Variants in PTAFR observed in about 807,000 individuals in gnomAD.
The protein encoded by PTAFR is platelet activating factor receptor.
A neutral mutation model predicts 14.7 loss-of-function variants in PTAFR; 8 were observed. That is an observed-to-expected ratio of 0.54 (90% confidence interval 0.32 to 0.98). The LOEUF (loss-of-function observed/expected upper bound fraction) is 0.98. Among genes scored for constraint, PTAFR ranks in the 50% least tolerant of loss-of-function variants. The probability of loss-of-function intolerance (pLI) is 0.04; values close to 1 mark genes in which losing one functional copy is unlikely to be tolerated. For missense variants in PTAFR, 337 were observed against 451.2 expected, an observed-to-expected ratio of 0.75 and a Z score of 2.29; for synonymous variants, 156 against 176.5, an observed-to-expected ratio of 0.88 and a Z score of 0.92.
intron 1 of PTAFR, among the ~76,000 whole-genome samples, chr1:28,187,170 G>T (rs1037656120): frequency 2.0e-5 from 3 of 152,036 alleles, no homozygotes; most frequent in Non-Finnish European, 4.4e-5. Flanking sequence ...ACTATCCTCC[G>T]TTTACTGATG....
rs1222613158 is a variant in PTAFR at position 28,176,651 on chromosome 1, C to A, written c.-98G>T. 1 of 152,610 alleles carries A rather than the reference C, an allele frequency of 6.6e-6. No individual in the cohort carries two copies. Among genetic ancestry groups the A allele is most frequent in the Non-Finnish European group, 1.5e-5 (1 of 68,136 alleles). The allele number at this position is 152,610 out of a possible 1,614,324, so 9.5% of individuals were successfully genotyped here. A position where few individuals can be genotyped will look rare whatever the true frequency, so the allele number is the denominator to read the frequency against. On this transcript the variant is annotated 5_prime_UTR_variant, in exon 1 of 2. Transcript: ENST00000373857. ...CGTGTGTCTCTGTCTGGGTCCTGGC[C>A]CCAGCCTCAGCCTCTATGCTGTCTG...
At chr1:28,176,027 G>A (rs1191130010) in intron 1 of PTAFR, among the ~76,000 whole-genome samples, 1 of 152,116 alleles carries the variant, frequency 6.6e-6, no homozygotes, top group African/African-American at 2.4e-5. Flanking sequence ...TCTGGGGTCA[G>A]CACTGCCCCA....
chr1:28,183,334 AAG>A (rs1646577859), intron 1 of PTAFR, among the ~76,000 whole-genome samples: 1 of 152,234 alleles, frequency 6.6e-6, no homozygotes. Flanking sequence ...GAGTGCAAAA[AAG>A]AAATATTTAT....
chr1:28,173,128 A>AT (rs34374765), intron 1 of PTAFR, among the ~76,000 whole-genome samples: 8 of 148,052 alleles, frequency 5.4e-5, no homozygotes, highest in African/African-American at 2.0e-4. Context: ...AAAAAAAAAA[A>AT]GTTTTTTAAA....
upstream of PTAFR, among the ~76,000 whole-genome samples, chr1:28,178,247 C>CT (rs962067655): frequency 7.0e-4 from 107 of 152,120 alleles, 2 homozygotes; most frequent in African/African-American, 2.2e-3. Context: ...GGACAAAACA[C>CT]TTTTTTTATT....
At chr1:28,185,962 T>C (rs1216902485) in intron 1 of PTAFR, among the ~76,000 whole-genome samples, 1 of 152,176 alleles carries the variant, frequency 6.6e-6, no homozygotes, top group Non-Finnish European at 1.5e-5. Flanking sequence ...TTTTTTGTTT[T>C]TTCTTCTTTT....
At chr1:28,191,154 C>T (rs2149010077) in intron 1 of PTAFR, among the ~76,000 whole-genome samples, 1 of 152,350 alleles carries the variant, frequency 6.6e-6, no homozygotes. Flanking sequence ...GTCACCGTGG[C>T]ATGCACTGTA....
intron 1 of PTAFR, among the ~76,000 whole-genome samples, chr1:28,168,256 C>G (rs1646414008): frequency 6.6e-6 from 1 of 151,898 alleles, no homozygotes; most frequent in Admixed American, 6.6e-5. Context: ...CAGGCGTGAG[C>G]CACCGCGCCC....
chr1:28,164,660 C>A (rs538444588), intron 1 of PTAFR, among the ~76,000 whole-genome samples: 3 of 152,174 alleles, frequency 2.0e-5, no homozygotes, highest in African/African-American at 7.2e-5. Flanking sequence ...AGTCACACAG[C>A]GGGGAAGTGG....
At chr1:28,162,638 C>G (rs1646336666) in intron 1 of PTAFR, among the ~76,000 whole-genome samples, 1 of 151,806 alleles carries the variant, frequency 6.6e-6, no homozygotes, top group South Asian at 2.1e-4. Flanking sequence ...CCAGCCTGAC[C>G]AACATAATGA....
chr1:28,159,136 C>G (rs1471825729), intron 1 of PTAFR, among the ~76,000 whole-genome samples: 1 of 152,058 alleles, frequency 6.6e-6, no homozygotes, highest in Non-Finnish European at 1.5e-5. Context: ...TGAGGAGGAA[C>G]AGCATGAGGG....
chr1:28,169,978 C>G (rs556459551), intron 1 of PTAFR, among the ~76,000 whole-genome samples: 40 of 146,504 alleles, frequency 2.7e-4, no homozygotes, highest in African/African-American at 1.0e-3. Flanking sequence ...GGAGTCTGGG[C>G]GACAGAGCGA....
rs774644727 is a variant in PTAFR at position 28,150,340 on chromosome 1, G to A, written c.682C>T (p.Arg228Cys). The A allele has an allele frequency of 1.2e-6, 2 of 1,614,062 alleles. No individual in the cohort carries two copies. Among genetic ancestry groups the A allele is most frequent in the South Asian group, 2.2e-5 (2 of 91,072 alleles). Residue 228 changes from arginine to cysteine, a missense_variant, in exon 2 of 2, where the codon CGC becomes TGC. By Grantham distance (180) the Arg-to-Cys change is radical (BLOSUM62 -3). Transcript: ENST00000373857. The surrounding 1 kb of genome is among the most constrained non-coding windows in gnomAD (Gnocchi z 6.3). Reference protein sequence around the residue: ...VQQQRNAEVKRRALWMVCTVL... With the variant: ...VQQQRNAEVKCRALWMVCTVL... ...GTGCACACCATCCACAGCGCCCGGCGCTTGACTTCAGCGTTGCGCTGCTGC... is the reference window on the plus strand; with the variant it reads ...GTGCACACCATCCACAGCGCCCGGCACTTGACTTCAGCGTTGCGCTGCTGC...
chr1:28,159,703 A>G (rs1646302077), intron 1 of PTAFR, among the ~76,000 whole-genome samples: 1 of 151,854 alleles, frequency 6.6e-6, no homozygotes, highest in Non-Finnish European at 1.5e-5. Context: ...CCAGACGCCT[A>G]TAATCTCAAC....
In PTAFR at chr1:28,150,726, A is replaced by G. The variant is rs759410183; in HGVS notation, c.296T>C (p.Ile99Thr). ...GAAGGCCACAGAGCAGTAGGTGTTG[A>G]TGAAGAAAAGGCAGCCAGCCACGTT... ...LCNVAGCLFFINTYCSVAFLG... is the reference protein window; with the variant it reads ...LCNVAGCLFFTNTYCSVAFLG... Residue 99 changes from isoleucine to threonine, a missense_variant, in exon 2 of 2, where the codon ATC (isoleucine) becomes ACC (threonine). By Grantham distance (89) the Ile-to-Thr change is moderately conservative (BLOSUM62 -1). Transcript: ENST00000373857. This position sits in a 1 kb window ranked among gnomAD's most constrained non-coding sequence, Gnocchi z 6.3. 6.2e-7 allele frequency: 1 copy of G among 1,614,162 alleles called. No individual in the cohort carries two copies. The highest frequency in any genetic ancestry group is 1.1e-5 in the South Asian group (1 of 91,078).
At chr1:28,166,027 A>C (rs1314577665) in intron 1 of PTAFR, among the ~76,000 whole-genome samples, 1 of 152,238 alleles carries the variant, frequency 6.6e-6, no homozygotes, top group Non-Finnish European at 1.5e-5. Flanking sequence ...AAAGAAGAAC[A>C]AAACTGAAAG....
chr1:28,175,645 A>G (rs1646504889), intron 1 of PTAFR, among the ~76,000 whole-genome samples: 1 of 151,904 alleles, frequency 6.6e-6, no homozygotes, highest in African/African-American at 2.4e-5. Flanking sequence ...CCCTGTCCCC[A>G]GCACCTGGGA....
At chr1:28,155,862 T>G (rs1054899499) in intron 1 of PTAFR, among the ~76,000 whole-genome samples, 9 of 151,238 alleles carry the variant, frequency 6.0e-5, no homozygotes, top group Non-Finnish European at 1.2e-4. Context: ...AGCAAGACCC[T>G]GTCTCAAAAA....
rs1229795232 is a variant in PTAFR, at chr1:28,147,800, A to G, written c.*2193T>C. 1 of 152,216 alleles carries G rather than the reference A, an allele frequency of 6.6e-6. No homozygotes were observed. The highest frequency in any genetic ancestry group is 1.5e-5 in the Non-Finnish European group (1 of 68,050). The allele number at this position is 152,216 out of a possible 1,614,324, so 9.4% of individuals were successfully genotyped here. A position where few individuals can be genotyped will look rare whatever the true frequency, so the allele number is the denominator to read the frequency against. On this transcript the variant is annotated 3_prime_UTR_variant, in exon 2 of 2. Transcript: ENST00000373857. ...GTCTGCCTCAACATTAGTGGCGTAT[A>G]ACAATCCCATGAGGTAGCTTTAACC...
Sources: gnomAD v4.1 joint callset for allele counts (sites outside exome capture counted in the v4.1 genomes callset) on GRCh38, gnomAD v4.1.1 for gene constraint, Gnocchi (gnomAD v3.1) non-coding constraint, MANE v1.5 for transcripts, NCBI Gene and HGNC (gene_info 2026-07-23, HGNC 2026-07-21) for gene names.